CMC2: variants seen among roughly 807,000 people sequenced by gnomAD.
CMC2 encodes COX assembly mitochondrial protein 2 homolog.
Under a neutral mutation model 7.5 loss-of-function variants are expected in CMC2, and 5 were observed. That is an observed-to-expected ratio of 0.66 (90% CI 0.35 to 1.40). The LOEUF is 1.40. CMC2 is among the 40% of genes most tolerant of loss of function. CMC2 has a pLI of 0.04. For synonymous variants in CMC2, 37 were observed against 31.4 expected (o/e 1.18, Z -0.60); for missense variants, 115 against 92.3 (o/e 1.25, Z -1.01).
chr16:80,989,840 AAT>A (rs796537303), intron 2 of CMC2, among the ~76,000 whole-genome samples: 20 of 152,274 alleles, frequency 1.3e-4, no homozygotes, highest in African/African-American at 4.8e-4. Context: ...TTTCGTCTAC[AAT>A]ATGTTTACTT....
chr16:80,992,514 CTGTCACACTG>C (rs1322071957), intron 2 of CMC2, among the ~76,000 whole-genome samples: 1 of 152,168 alleles, frequency 6.6e-6, no homozygotes, highest in Non-Finnish European at 1.5e-5. Flanking sequence ...ACAGAATGCG[CTGTCACACTG>C]TTTAATTTGG....
In CMC2 at chr16:80,976,567, TCTAGTGGAGAGG is replaced by T. The variant is rs577943735; in HGVS notation, c.154-400_154-389del. On this transcript the variant is annotated intron_variant, in intron 3 of 3. Coordinates refer to ENST00000219400, the MANE Select transcript of CMC2 (RefSeq NM_020188.5). ...AGTCCTCTAACTTCTGCTGAGTACC[TCTAGTGGAGAGG>T]CTCACTTCCTTGAGAGGTAGCCTGT... 8.1e-3 allele frequency among the ~76,000 whole-genome samples: 1,228 copies of T among 152,330 alleles called. 6 individuals are homozygous for T. The highest frequency in any genetic ancestry group is 0.02 in the Middle Eastern group (6 of 294).
At chr16:80,982,572 AT>A (rs1178961711) in intron 2 of CMC2, 2 of 151,522 alleles carry the variant, frequency 1.3e-5, no homozygotes, top group Admixed American at 1.3e-4. Flanking sequence ...ATTTACTACC[AT>A]AAAACATATA....
chr16:80,982,729 C>T (rs1009211718), intron 2 of CMC2: 9 of 152,192 alleles, frequency 5.9e-5, no homozygotes, highest in African/African-American at 2.2e-4. Context: ...TACTGTACTG[C>T]CGTAATAATT....
chr16:80,970,163 A>C lies in CMC2; in HGVS notation c.*5930T>G, dbSNP rs984622476. On this transcript the variant is annotated 3_prime_UTR_variant, in exon 4 of 4. Transcript: ENST00000219400. ...TGCAATTAAAAAGCTGTCTAGCAAAAAAGAGAAAACTGCGGCTACAGTTGC... is the reference window on the plus strand; with the variant it reads ...TGCAATTAAAAAGCTGTCTAGCAAACAAGAGAAAACTGCGGCTACAGTTGC... The C allele has an allele frequency of 3.9e-5, 6 of 152,192 alleles. No homozygotes were observed. Among genetic ancestry groups the C allele is most frequent in the African/African-American group, 1.2e-4 (5 of 41,434 alleles). The allele number at this position is 152,192 out of a possible 1,614,324, so 9.4% of individuals were successfully genotyped here.
chr16:80,988,218 T>G (rs144780602), intron 2 of CMC2, among the ~76,000 whole-genome samples: 1 of 152,208 alleles, frequency 6.6e-6, no homozygotes, highest in East Asian at 1.9e-4. Context: ...CCCCCAGATA[T>G]AGACCTGCAG....
intron 2 of CMC2, chr16:80,996,930 C>T (rs1032629477): frequency 2.5e-6 from 1 of 397,112 alleles, no homozygotes; most frequent in African/African-American, 2.1e-5. Context: ...TACCATTAAA[C>T]ACAGAATGGT....
rs1403484745 is a variant in CMC2 at position 80,970,831 on chromosome 16, A to T, written c.*5262T>A. ...GGCTCATGCCTATAATCCCTGCTTT[A>T]TAAAAAAATTTTAAGAGATATTAGA... On this transcript the variant is annotated 3_prime_UTR_variant, in exon 4 of 4. Coordinates refer to ENST00000219400, the MANE Select transcript of CMC2 (RefSeq NM_020188.5). 1 of 152,232 alleles carries T rather than the reference A, an allele frequency of 6.6e-6. No individual in the cohort carries two copies. The highest frequency in any genetic ancestry group is 1.5e-5 in the Non-Finnish European group (1 of 68,040). 9.4% of individuals were successfully genotyped at this position (152,232 alleles called of 1,614,324 possible).
rs1288712082 is a variant in CMC2, at chr16:80,974,840, T to C, written c.*1253A>G. 6.6e-6 allele frequency: 1 copy of C among 152,242 alleles called. No individual in the cohort carries two copies. The highest frequency in any genetic ancestry group is 2.4e-5 in the African/African-American group (1 of 41,472). 9.4% of individuals were successfully genotyped at this position (152,242 alleles called of 1,614,324 possible). ...GAAGGTACTTCAGAATTAATTCTGG[T>C]TCTTTCCCCATCCTTTCACTGAATG... On this transcript the variant is annotated 3_prime_UTR_variant, in exon 4 of 4. Coordinates refer to ENST00000219400, the MANE Select transcript of CMC2 (RefSeq NM_020188.5).
chr16:80,968,867 A>T lies in CMC2; in HGVS notation c.*7226T>A, dbSNP rs1911728637. Reference sequence around the variant, plus strand: ...AGGTACCAGGAAGTGAGGTTTTCATAAACACAATGGAAAAAGATGGAAGAT... The same window carrying T: ...AGGTACCAGGAAGTGAGGTTTTCATTAACACAATGGAAAAAGATGGAAGAT... On this transcript the variant is annotated 3_prime_UTR_variant, in exon 4 of 4. Coordinates refer to ENST00000219400, the MANE Select transcript of CMC2 (RefSeq NM_020188.5). The T allele has an allele frequency of 6.6e-6, 1 of 152,214 alleles. No homozygotes were observed. The highest frequency in any genetic ancestry group is 6.5e-5 in the Admixed American group (1 of 15,280). The allele number at this position is 152,214 out of a possible 1,614,324, so 9.4% of individuals were successfully genotyped here. A position where few individuals can be genotyped will look rare whatever the true frequency, so the allele number is the denominator to read the frequency against.
chr16:81,006,043 C>T (rs1357258968), intron 1 of CMC2, among the ~76,000 whole-genome samples: 1 of 152,200 alleles, frequency 6.6e-6, no homozygotes, highest in Non-Finnish European at 1.5e-5. Context: ...ATACGAATGG[C>T]ATCACAACAT....
intron 1 of CMC2, chr16:80,998,980 A>C (rs1968639982): frequency 6.6e-6 from 1 of 152,198 alleles, no homozygotes; most frequent in Non-Finnish European, 1.5e-5. Flanking sequence ...ACTCACAGCC[A>C]ACATCATACT....
In CMC2 at chr16:81,006,788, C is replaced by T. The variant is rs934957971; in HGVS notation, c.-90G>A. ...AGCGGCAGTAGCCGGCGGAGACGCC[C>T]GACCCGAAGGCCGGCTGCTAGGGAG... is the stretch of plus-strand genomic sequence containing the variant. On this transcript the variant is annotated 5_prime_UTR_variant, in exon 1 of 4. Coordinates refer to ENST00000219400, the MANE Select transcript of CMC2 (RefSeq NM_020188.5). 30 of 985,660 alleles carry T rather than the reference C, an allele frequency of 3.0e-5. No individual in the cohort carries two copies. Among genetic ancestry groups the T allele is most frequent in the Middle Eastern group, 5.2e-4 (1 of 1,916 alleles). 61.1% of individuals were successfully genotyped at this position (985,660 alleles called of 1,614,324 possible). A position where few individuals can be genotyped will look rare whatever the true frequency, so the allele number is the denominator to read the frequency against.
intron 3 of CMC2, among the ~76,000 whole-genome samples, chr16:80,977,342 A>G (rs762412608): frequency 1.3e-5 from 2 of 152,222 alleles, no homozygotes; most frequent in East Asian, 1.9e-4. Context: ...GAGGACCTTA[A>G]AAGTGTTTTT....
In CMC2 at chr16:80,971,564, T is replaced by TTATATATA. The variant is rs34839018; in HGVS notation, c.*4521_*4528dup. ...CTATGGATACTGACATACATACATT[T>TTATATATA]TATATATATATATATATATATGTAT... On this transcript the variant is annotated 3_prime_UTR_variant, in exon 4 of 4. Coordinates refer to ENST00000219400, the MANE Select transcript of CMC2 (RefSeq NM_020188.5). 4.9e-5 allele frequency: 6 copies of TTATATATA among 121,244 alleles called. No individual in the cohort carries two copies. Among genetic ancestry groups the TTATATATA allele is most frequent in the African/African-American group, 1.2e-4 (3 of 25,706 alleles). The allele number at this position is 121,244 out of a possible 1,614,324, so 7.5% of individuals were successfully genotyped here.
chr16:80,980,898 G>GA (rs987111943), intron 3 of CMC2: 3 of 689,024 alleles, frequency 4.4e-6, no homozygotes, highest in Non-Finnish European at 7.9e-6. Flanking sequence ...AAAGAAAAAA[G>GA]AAAAAAAGAA....
chr16:80,981,060 T>G (rs1008562872), intron 3 of CMC2, among the ~76,000 whole-genome samples: 1 of 145,786 alleles, frequency 6.9e-6, no homozygotes, highest in Non-Finnish European at 1.5e-5. Flanking sequence ...ATATTATATT[T>G]AAATCTTTCA....
chr16:80,988,165 C>T (rs1418830508), intron 2 of CMC2, among the ~76,000 whole-genome samples: 4 of 152,164 alleles, frequency 2.6e-5, no homozygotes, highest in Non-Finnish European at 5.9e-5. Flanking sequence ...GCCTGGGTGA[C>T]AGAGTGAGAC....
rs1911772128 is a variant in CMC2, at chr16:80,969,469, G to A, written c.*6624C>T. On this transcript the variant is annotated 3_prime_UTR_variant, in exon 4 of 4. Coordinates refer to ENST00000219400, the MANE Select transcript of CMC2 (RefSeq NM_020188.5). ...GCCCACAGGAAGGTCTGAAGGGGCT[G>A]GAACAATTTAGCATTAATGAACTCT... is the stretch of plus-strand genomic sequence containing the variant. The A allele has an allele frequency of 6.6e-6, 1 of 152,232 alleles. No homozygotes were observed. 9.4% of individuals were successfully genotyped at this position (152,232 alleles called of 1,614,324 possible).
Sources: allele counts gnomAD v4.1 joint callset (sites outside exome capture counted in the v4.1 genomes callset), GRCh38; gene constraint gnomAD v4.1.1; transcripts MANE v1.5; gene names NCBI Gene and HGNC (gene_info 2026-07-23, HGNC 2026-07-21).